Variants in CSRNP3 observed in about 807,000 individuals in gnomAD.
CSRNP3 encodes the protein cysteine and serine rich nuclear protein 3.
CSRNP3 carries 12 observed loss-of-function variants against 48.0 expected under a neutral mutation model. The observed-to-expected ratio is 0.25, with a 90% CI of 0.16 to 0.41. CSRNP3 has a LOEUF of 0.41. Ranked by LOEUF, CSRNP3 falls within the 10% of genes least tolerant of loss-of-function variation. The probability of loss-of-function intolerance (pLI) is 1.00; values close to 1 mark genes in which losing one functional copy is unlikely to be tolerated. For synonymous variants in CSRNP3, 263 were observed against 269.7 expected (o/e 0.98, Z 0.24); for missense variants, 580 against 724.4 (o/e 0.80, Z 2.29).
In CSRNP3 at chr2:165,681,794, C is replaced by A. The variant is rs1468068063; in HGVS notation, c.*2041C>A. On this transcript the variant is annotated 3_prime_UTR_variant, in exon 7 of 7. Transcript: ENST00000651982. ...ACACACACATACACATATATATACA[C>A]ATATATGTATGTGTGTGTGTGTGTG... The A allele has an allele frequency of 7.9e-6, 1 of 126,538 alleles. No homozygotes were observed. Among genetic ancestry groups the A allele is most frequent in the East Asian group, 2.3e-4 (1 of 4,320 alleles). 7.8% of individuals were successfully genotyped at this position (126,538 alleles called of 1,614,324 possible). A position where few individuals can be genotyped will look rare whatever the true frequency, so the allele number is the denominator to read the frequency against.
At chr2:165,561,565 G>A (rs949545286) in intron 3 of CSRNP3, among the ~76,000 whole-genome samples, 4 of 151,972 alleles carry the variant, frequency 2.6e-5, no homozygotes, top group African/African-American at 9.7e-5. Flanking sequence ...CTGCTCATTT[G>A]GATTGTATTC....
intron 3 of CSRNP3, among the ~76,000 whole-genome samples, chr2:165,578,837 G>T (rs1685495481): frequency 6.6e-6 from 1 of 152,092 alleles, no homozygotes; most frequent in African/African-American, 2.4e-5. Flanking sequence ...GAATGGTTAA[G>T]AACTTAAGTT....
At chr2:165,501,965 G>A (rs995845819) in intron 2 of CSRNP3, among the ~76,000 whole-genome samples, 13 of 151,964 alleles carry the variant, frequency 8.6e-5, no homozygotes, top group African/African-American at 2.9e-4. Flanking sequence ...TCAGAATTCA[G>A]CGTTCTCATT....
At chr2:165,660,997 C>T (rs1007186243) in intron 5 of CSRNP3, among the ~76,000 whole-genome samples, 1 of 152,148 alleles carries the variant, frequency 6.6e-6, no homozygotes, top group African/African-American at 2.4e-5. Flanking sequence ...TATGAACCAG[C>T]TTTTTAAAAC....
chr2:165,670,043 TA>T (rs1221969926), intron 5 of CSRNP3, among the ~76,000 whole-genome samples: 1 of 152,220 alleles, frequency 6.6e-6, no homozygotes, highest in Non-Finnish European at 1.5e-5. Context: ...GCTCTTCAAT[TA>T]TGGACCAAGA....
rs900274693 is a variant in CSRNP3 at position 165,582,323 on chromosome 2, G to T, written c.-23-12720G>T. ...CTGGAGTTATTATAAATGGAATGAG[G>T]CTATCTAACCACCTTTTAGGAAAGA... On this transcript the variant is annotated intron_variant, in intron 3 of 6. Transcript: ENST00000651982. 1.2e-4 allele frequency among the ~76,000 whole-genome samples: 18 copies of T among 152,202 alleles called. 1 individual carries two copies. The East Asian group carries it at 3.3e-3, about 28-fold the overall frequency.
intron 4 of CSRNP3, among the ~76,000 whole-genome samples, chr2:165,648,476 A>G (rs1686850248): frequency 6.6e-6 from 1 of 152,162 alleles, no homozygotes; most frequent in Non-Finnish European, 1.5e-5. Context: ...TATTTATAAA[A>G]GATAAAATAA....
intron 2 of CSRNP3, among the ~76,000 whole-genome samples, chr2:165,496,948 A>G (rs1472085952): frequency 1.3e-5 from 2 of 152,062 alleles, no homozygotes; most frequent in Non-Finnish European, 2.9e-5. Context: ...TACAATGTTC[A>G]TTTAAACACC....
intron 4 of CSRNP3, among the ~76,000 whole-genome samples, chr2:165,655,459 A>G (rs757683820): frequency 6.6e-6 from 1 of 152,224 alleles, no homozygotes; most frequent in Non-Finnish European, 1.5e-5. Context: ...AGTTCCCCGC[A>G]TAGTACAGCA....
chr2:165,542,239 G>A (rs1236579427), intron 3 of CSRNP3, among the ~76,000 whole-genome samples: 2 of 152,152 alleles, frequency 1.3e-5, no homozygotes, highest in African/African-American at 2.4e-5. Flanking sequence ...ATGGCATGGA[G>A]AAAGTCAAAA....
Position 165,679,064 on chromosome 2 carries a change from A to G in CSRNP3, c.1069A>G (p.Thr357Ala). The change falls in exon 7 of 7, where the codon ACA becomes GCA. Residue 357 changes from threonine (T) to alanine (A), a missense_variant. By Grantham distance (58) the Thr-to-Ala change is moderately conservative (BLOSUM62 0). Around this residue, in one of 4 missense-constraint regions of CSRNP3, gnomAD observed 369 missense variants for 380.8 expected, o/e 0.97. Transcript: ENST00000651982. ...EDGSSFCSGV[T>A]DSSTQSLAPS... ...TGGGAGCAGCTTTTGCAGCGGAGTCACAGATTCTAGCACGCAAAGCTTGGC... is the reference window on the plus strand; with the variant it reads ...TGGGAGCAGCTTTTGCAGCGGAGTCGCAGATTCTAGCACGCAAAGCTTGGC... 6.2e-7 allele frequency: 1 copy of G among 1,613,848 alleles called. No homozygotes were observed. The highest frequency in any genetic ancestry group is 8.5e-7 in the Non-Finnish European group (1 of 1,179,918).
At chr2:165,615,713 C>T (rs1352666519) in intron 4 of CSRNP3, among the ~76,000 whole-genome samples, 1 of 151,618 alleles carries the variant, frequency 6.6e-6, no homozygotes, top group Non-Finnish European at 1.5e-5. Flanking sequence ...CATGGAATAT[C>T]TTTTTTTCAT....
chr2:165,583,371 C>T (rs1369055540), intron 3 of CSRNP3, among the ~76,000 whole-genome samples: 5 of 152,132 alleles, frequency 3.3e-5, no homozygotes, highest in Non-Finnish European at 7.4e-5. Flanking sequence ...TTCAATATGG[C>T]TTTGAAAGGA....
Position 165,652,289 on chromosome 2 carries a change from A to C in CSRNP3, c.149-5472A>C, listed in dbSNP as rs779257523. 1.8e-3 allele frequency among the ~76,000 whole-genome samples: 279 copies of C among 151,956 alleles called. 1 individual carries two copies. Among genetic ancestry groups the C allele is most frequent in the Non-Finnish European group, 2.1e-3 (145 of 67,966 alleles). ...CATTTTGGGAGGCTGAGGCAGGCGG[A>C]TCATGCGGTCAGGAGATTGAGATCA... On this transcript the variant is annotated intron_variant, in intron 4 of 6. Coordinates refer to ENST00000651982, the MANE Select transcript of CSRNP3 (RefSeq NM_001172173.2).
intron 5 of CSRNP3, among the ~76,000 whole-genome samples, chr2:165,666,193 AAG>A (rs1367622890): frequency 3.2e-4 from 38 of 119,678 alleles, no homozygotes; most frequent in African/African-American, 1.0e-3. Flanking sequence ...GAAGGGAGGA[AAG>A]AGAGAGAGGA....
At chr2:165,593,956 CAG>C (rs1042891762) in intron 3 of CSRNP3, among the ~76,000 whole-genome samples, 1 of 152,104 alleles carries the variant, frequency 6.6e-6, no homozygotes, top group African/African-American at 2.4e-5. Context: ...ACAGTCAAAA[CAG>C]AGTCAAAACT....
chr2:165,615,116 A>G (rs1353587741), intron 4 of CSRNP3, among the ~76,000 whole-genome samples: 1 of 152,090 alleles, frequency 6.6e-6, no homozygotes, highest in Non-Finnish European at 1.5e-5. Context: ...TTCTTTGTTG[A>G]CTTTTGTCTA....
At chr2:165,631,265 A>G (rs1160317819) in intron 4 of CSRNP3, among the ~76,000 whole-genome samples, 3 of 152,108 alleles carry the variant, frequency 2.0e-5, no homozygotes, top group African/African-American at 7.2e-5. Flanking sequence ...GTGTGTGTGT[A>G]TGTGTGGGTG....
chr2:165,640,745 G>A (rs1323757429), intron 4 of CSRNP3, among the ~76,000 whole-genome samples: 1 of 152,174 alleles, frequency 6.6e-6, no homozygotes, highest in Non-Finnish European at 1.5e-5. Flanking sequence ...ATAAAGGAAG[G>A]CAATATAGTG....
Sources: gnomAD v4.1 joint callset for allele counts (sites outside exome capture counted in the v4.1 genomes callset) on GRCh38, gnomAD v4.1.1 for gene constraint, gnomAD v4.1.1 regional missense constraint, MANE v1.5 for transcripts, NCBI Gene and HGNC (gene_info 2026-07-23, HGNC 2026-07-21) for gene names.